The following PHYHIPL variants were observed in gnomAD, a reference collection of about 807,000 sequenced individuals.
PHYHIPL encodes phytanoyl-CoA hydroxylase-interacting protein-like.
In PHYHIPL, 9 loss-of-function variants were observed where a neutral mutation model predicts 33.4. The ratio of observed to expected loss-of-function variants is 0.27; its 90% CI spans 0.16 to 0.47. The LOEUF (loss-of-function observed/expected upper bound fraction) is 0.47, where lower values mean the gene tolerates loss of function less well. PHYHIPL is among the 20% of genes least tolerant of loss of function. The probability of loss-of-function intolerance (pLI) is 0.99; values close to 1 mark genes in which losing one functional copy is unlikely to be tolerated. For missense variants in PHYHIPL, 365 were observed against 460.7 expected, an observed-to-expected ratio of 0.79 and a Z score of 1.90; for synonymous variants, 153 against 154.1, an observed-to-expected ratio of 0.99 and a Z score of 0.05.
chr10:59,183,615 A>G, intron 1 of PHYHIPL: 5 of 980,000 alleles, frequency 5.1e-6, no homozygotes, highest in Non-Finnish European at 6.1e-6. Context: ...AAATAAATCT[A>G]CAACCAGGTT....
At position 59,200,235 on chromosome 10, in the gene PHYHIPL, A is replaced by G. The variant is rs191920563; in HGVS notation, c.106+23276A>G. ...TATCATTTTGAGATACATCCCATCA[A>G]TATCTAATATATTGAGAGTTTTTAG... On this transcript the variant is annotated intron_variant, in intron 1 of 4. Coordinates refer to ENST00000373880, the MANE Select transcript of PHYHIPL (RefSeq NM_032439.4). Among the ~76,000 whole-genome samples, 14 of 152,288 alleles carry G rather than the reference A, an allele frequency of 9.2e-5. No individual in the cohort carries two copies. In the East Asian group the frequency reaches 2.7e-3, roughly 29 times the overall value.
intron 2 of PHYHIPL, among the ~76,000 whole-genome samples, 169 bp from the exon 3 acceptor site, chr10:59,236,314 A>C (rs768316125): frequency 2.0e-5 from 3 of 151,570 alleles, no homozygotes; most frequent in African/African-American, 2.4e-5. Flanking sequence ...TTATACTACT[A>C]AATTAACTTC....
At chr10:59,193,708 A>G (rs553170925) in intron 1 of PHYHIPL, among the ~76,000 whole-genome samples, 193 of 152,146 alleles carry the variant, frequency 1.3e-3, no homozygotes, top group African/African-American at 4.5e-3. Flanking sequence ...TAGTTTTTGT[A>G]TAACATTTTC....
intron 1 of PHYHIPL, among the ~76,000 whole-genome samples, chr10:59,223,670 A>T (rs1329296595): frequency 6.0e-5 from 9 of 149,856 alleles, no homozygotes; most frequent in Non-Finnish European, 1.0e-4. Flanking sequence ...CAGTTTAACT[A>T]TTTTTTTTTT....
At chr10:59,220,597 ATT>A (rs1319651942) in intron 1 of PHYHIPL, among the ~76,000 whole-genome samples, 1 of 152,128 alleles carries the variant, frequency 6.6e-6, no homozygotes, top group Non-Finnish European at 1.5e-5. Flanking sequence ...TACATTTGGA[ATT>A]GGAAGTGACT....
intron 4 of PHYHIPL, among the ~76,000 whole-genome samples, chr10:59,241,992 C>G (rs950236823): frequency 2.6e-5 from 4 of 152,126 alleles, no homozygotes; most frequent in Non-Finnish European, 5.9e-5. Flanking sequence ...CCACCATACC[C>G]CAGGCAAACA....
Position 59,210,944 on chromosome 10 carries a change from A to C in PHYHIPL, c.107-23360A>C, listed in dbSNP as rs145240622. Among the ~76,000 whole-genome samples, 495 of 152,192 alleles carry C rather than the reference A, an allele frequency of 3.3e-3. 3 individuals are homozygous for C. Among genetic ancestry groups the C allele is most frequent in the African/African-American group, 0.011 (456 of 41,508 alleles). On this transcript the variant is annotated intron_variant, in intron 1 of 4. Coordinates refer to ENST00000373880, the MANE Select transcript of PHYHIPL (RefSeq NM_032439.4). ...TGTTTGGGGATGGGGGTGCTAGGAG[A>C]GGGATAGCATTAGGAGAAATTCCTA...
At chr10:59,221,552 G>C (rs1298600400) in intron 1 of PHYHIPL, 2 of 365,956 alleles carry the variant, frequency 5.5e-6, no homozygotes, top group African/African-American at 4.4e-5. Context: ...GTTTAACTTT[G>C]AATTTAACAC....
intron 1 of PHYHIPL, among the ~76,000 whole-genome samples, chr10:59,200,529 T>G (rs888962944): frequency 6.6e-6 from 1 of 152,014 alleles, no homozygotes; most frequent in African/African-American, 2.4e-5. Flanking sequence ...TTTTTTGATT[T>G]TGTCTCTGCC....
At chr10:59,197,377 C>G (rs1188880610) in intron 1 of PHYHIPL, among the ~76,000 whole-genome samples, 1 of 152,118 alleles carries the variant, frequency 6.6e-6, no homozygotes, top group Non-Finnish European at 1.5e-5. Flanking sequence ...GTTAAGAAAC[C>G]TTAAACCTTA....
chr10:59,193,175 AT>A (rs1430467062), intron 1 of PHYHIPL, among the ~76,000 whole-genome samples: 2 of 152,142 alleles, frequency 1.3e-5, no homozygotes, highest in Non-Finnish European at 2.9e-5. Flanking sequence ...TGAAAGGATC[AT>A]TTGGAAATTA....
At chr10:59,226,395 T>C (rs1355070546) in intron 1 of PHYHIPL, among the ~76,000 whole-genome samples, 1 of 152,142 alleles carries the variant, frequency 6.6e-6, no homozygotes, top group East Asian at 1.9e-4. Flanking sequence ...TTTATTCATG[T>C]ATCGGAACAA....
chr10:59,233,606 C>T (rs1244158751), intron 1 of PHYHIPL, among the ~76,000 whole-genome samples: 1 of 151,580 alleles, frequency 6.6e-6, no homozygotes, highest in Non-Finnish European at 1.5e-5. Context: ...TACTGTTAGC[C>T]AAATTGTTAG....
intron 1 of PHYHIPL, among the ~76,000 whole-genome samples, chr10:59,208,478 C>G (rs1305739082): frequency 6.6e-6 from 1 of 152,072 alleles, no homozygotes. Flanking sequence ...AAAACCAGCG[C>G]AAAAAGGCTG....
intron 1 of PHYHIPL, among the ~76,000 whole-genome samples, chr10:59,188,701 A>T (rs910763570): frequency 6.6e-6 from 1 of 152,086 alleles, no homozygotes; most frequent in African/African-American, 2.4e-5. Context: ...TGTTGAATTG[A>T]TCCCTTTACC....
chr10:59,232,248 C>A (rs1445061271), intron 1 of PHYHIPL, among the ~76,000 whole-genome samples: 2 of 151,862 alleles, frequency 1.3e-5, no homozygotes, highest in African/African-American at 4.8e-5. Context: ...AAAATTACGA[C>A]TACCTAAGTA....
At chr10:59,202,506 T>G (rs967508367) in intron 1 of PHYHIPL, among the ~76,000 whole-genome samples, 2 of 152,062 alleles carry the variant, frequency 1.3e-5, no homozygotes, top group Admixed American at 6.6e-5. Flanking sequence ...CAAATAACTT[T>G]TGCTGAATGA....
At chr10:59,209,492 CA>C (rs1482898939) in intron 1 of PHYHIPL, among the ~76,000 whole-genome samples, 6 of 152,120 alleles carry the variant, frequency 3.9e-5, no homozygotes, top group Non-Finnish European at 7.3e-5. Context: ...TTGTAAAGAC[CA>C]TCGATGCTAT....
chr10:59,226,911 A>G (rs1178346717), intron 1 of PHYHIPL, among the ~76,000 whole-genome samples: 1 of 152,192 alleles, frequency 6.6e-6, no homozygotes, highest in Admixed American at 6.5e-5. Context: ...AAAAAATAAT[A>G]TCTCATAGAA....
Sources: gnomAD v4.1 joint callset for allele counts (sites outside exome capture counted in the v4.1 genomes callset) on GRCh38, gnomAD v4.1.1 for gene constraint, MANE v1.5 for transcripts, NCBI Gene and HGNC (gene_info 2026-07-23, HGNC 2026-07-21) for gene names.